The following TNFSF4 variants were observed in gnomAD, a reference collection of about 807,000 sequenced individuals.
The protein encoded by TNFSF4 is tumor necrosis factor ligand superfamily member 4.
In TNFSF4, 4 loss-of-function variants were observed where a neutral mutation model predicts 7.3. That is an observed-to-expected ratio of 0.55 (90% CI 0.27 to 1.25). The LOEUF (loss-of-function observed/expected upper bound fraction) is 1.25, where lower values mean the gene tolerates loss of function less well. Ranked by LOEUF, TNFSF4 falls within the 50% of genes most tolerant of loss-of-function variation. The probability of loss-of-function intolerance (pLI) is 0.12; values close to 1 mark genes in which losing one functional copy is unlikely to be tolerated. For synonymous variants in TNFSF4, 76 were observed against 83.7 expected, an observed-to-expected ratio of 0.91 and a Z score of 0.50; for missense variants, 181 against 208.8, an observed-to-expected ratio of 0.87 and a Z score of 0.82.
the TNFSF4 span, among the ~76,000 whole-genome samples, chr1:173,406,270 G>T: frequency 2.0e-5 from 3 of 152,208 alleles, no homozygotes; most frequent in Admixed American, 1.3e-4. Flanking sequence ...GGGAAAAAAA[G>T]CACTCATTTG....
the TNFSF4 span, among the ~76,000 whole-genome samples, chr1:173,399,313 A>G: frequency 6.6e-6 from 1 of 152,218 alleles, no homozygotes; most frequent in Non-Finnish European, 1.5e-5. Flanking sequence ...TTTACAGATG[A>G]TTCTGCATAA....
chr1:173,446,264 AT>A, the TNFSF4 span, among the ~76,000 whole-genome samples: 3 of 152,106 alleles, frequency 2.0e-5, no homozygotes, highest in Non-Finnish European at 2.9e-5. Context: ...AATAGAAACT[AT>A]AAAAAAAAAG....
chr1:173,334,521 A>C, the TNFSF4 span, among the ~76,000 whole-genome samples: 1 of 152,226 alleles, frequency 6.6e-6, no homozygotes, highest in East Asian at 1.9e-4. Context: ...GAGATTGATT[A>C]AAATTAAACA....
the TNFSF4 span, among the ~76,000 whole-genome samples, chr1:173,214,069 T>A: frequency 6.6e-6 from 1 of 152,312 alleles, no homozygotes; most frequent in Admixed American, 6.5e-5. Context: ...TGTGGATACA[T>A]CCATGCTCAT....
At chr1:173,225,189 T>C in the TNFSF4 span, among the ~76,000 whole-genome samples, 1 of 152,198 alleles carries the variant, frequency 6.6e-6, no homozygotes, top group South Asian at 2.1e-4. Flanking sequence ...TTTGAATGTT[T>C]ACAGAAGACC....
chr1:173,400,347 C>A, the TNFSF4 span, among the ~76,000 whole-genome samples: 3 of 152,176 alleles, frequency 2.0e-5, no homozygotes, highest in African/African-American at 7.2e-5. Flanking sequence ...ATAGATAGTG[C>A]TGTTTCTCCC....
chr1:173,303,632 C>A, the TNFSF4 span, among the ~76,000 whole-genome samples: 7 of 151,946 alleles, frequency 4.6e-5, no homozygotes, highest in South Asian at 6.2e-4. Flanking sequence ...TGTTTTTATA[C>A]GTTTTTTAAT....
chr1:173,375,456 A>C, the TNFSF4 span, among the ~76,000 whole-genome samples: 8 of 152,278 alleles, frequency 5.3e-5, no homozygotes, highest in African/African-American at 1.9e-4. Context: ...TCCTGGGTCA[A>C]GTGGGGACTT....
At chr1:173,377,549 G>T in the TNFSF4 span, among the ~76,000 whole-genome samples, 1 of 152,150 alleles carries the variant, frequency 6.6e-6, no homozygotes, top group Non-Finnish European at 1.5e-5. Context: ...CCTGACCCTT[G>T]CGTCCTGGGT....
At chr1:173,421,270 ATTAT>A in the TNFSF4 span, among the ~76,000 whole-genome samples, 26 of 152,336 alleles carry the variant, frequency 1.7e-4, no homozygotes, top group South Asian at 1.2e-3. Flanking sequence ...CTAAAAAATA[ATTAT>A]TTATCTGAAA....
At chr1:173,182,948 T>C (rs112061186), downstream of TNFSF4, among the ~76,000 whole-genome samples, 4 of 152,202 alleles carry the variant, frequency 2.6e-5, no homozygotes, top group African/African-American at 9.6e-5. Flanking sequence ...GGAAGGTTGC[T>C]GCCATGCCAA....
the TNFSF4 span, among the ~76,000 whole-genome samples, chr1:173,379,112 TTA>T: frequency 6.6e-6 from 1 of 152,102 alleles, no homozygotes; most frequent in Admixed American, 6.5e-5. Context: ...ACCCTGGCCT[TTA>T]ATGAAAAGAA....
chr1:173,180,456 T>C (rs960114584), downstream of TNFSF4, among the ~76,000 whole-genome samples: 3 of 152,216 alleles, frequency 2.0e-5, no homozygotes, highest in African/African-American at 7.2e-5. Context: ...ATTAATTATA[T>C]AAGTAATGTA....
chr1:173,443,828 C>T, the TNFSF4 span, among the ~76,000 whole-genome samples: 4 of 152,162 alleles, frequency 2.6e-5, no homozygotes, highest in African/African-American at 9.7e-5. Context: ...TCTAGAACTC[C>T]CTGATGCTAC....
chr1:173,372,045 G>A, the TNFSF4 span, among the ~76,000 whole-genome samples: 2 of 152,302 alleles, frequency 1.3e-5, no homozygotes, highest in East Asian at 3.9e-4. Flanking sequence ...ATGCCAGCAG[G>A]CTACTCTAGA....
the TNFSF4 span, among the ~76,000 whole-genome samples, chr1:173,370,653 T>C: frequency 6.6e-6 from 1 of 152,158 alleles, no homozygotes; most frequent in African/African-American, 2.4e-5. Context: ...GCCACAGATA[T>C]CAGGAGAAAG....
intron 1 of TNFSF4, among the ~76,000 whole-genome samples, chr1:173,204,027 A>G (rs540980236): frequency 6.6e-6 from 1 of 152,300 alleles, no homozygotes; most frequent in South Asian, 2.1e-4. Context: ...TCCCTTTTCT[A>G]AACAGTGTGT....
intron 2 of TNFSF4, 71 bp from the exon 3 acceptor site, chr1:173,186,936 A>C (rs1283938133): frequency 9.9e-7 from 1 of 1,010,728 alleles, no homozygotes. Context: ...CTTCCAATAC[A>C]TCTGGAATCA....
chr1:173,346,110 C>T, the TNFSF4 span, among the ~76,000 whole-genome samples: 4 of 152,148 alleles, frequency 2.6e-5, no homozygotes, highest in Admixed American at 2.6e-4. Flanking sequence ...CCACCCCTCC[C>T]CATCCACTGT....
Sources: gnomAD v4.1 joint callset for allele counts (sites outside exome capture counted in the v4.1 genomes callset) on GRCh38, gnomAD v4.1.1 for gene constraint, MANE v1.5 for transcripts, NCBI Gene and HGNC (gene_info 2026-07-23, HGNC 2026-07-21) for gene names.